VIP: variants seen among roughly 807,000 people sequenced by gnomAD.
VIP encodes VIP peptides.
VIP carries 18 observed loss-of-function variants against 20.1 expected under a neutral mutation model. That is an observed-to-expected ratio of 0.90 (90% confidence interval 0.62 to 1.33). The LOEUF (loss-of-function observed/expected upper bound fraction) is 1.33, where lower values mean the gene tolerates loss of function less well. Among genes scored for constraint, VIP ranks in the 40% most tolerant of loss-of-function variants. The probability of loss-of-function intolerance (pLI) is 0.00; values close to 1 mark genes in which losing one functional copy is unlikely to be tolerated. For synonymous variants in VIP, 70 were observed against 68.1 expected (o/e 1.03, Z -0.14); for missense variants, 209 against 199.4 (o/e 1.05, Z -0.29).
intron 2 of VIP, among the ~76,000 whole-genome samples, chr6:152,752,651 C>T (rs1053370156): frequency 6.6e-6 from 1 of 152,044 alleles, no homozygotes; most frequent in African/African-American, 2.4e-5. Context: ...GTTTAGTTGC[C>T]AACCACATTT....
intron 4 of VIP, among the ~76,000 whole-genome samples, chr6:152,755,724 C>T (rs1583997159): frequency 6.6e-6 from 1 of 151,634 alleles, no homozygotes; most frequent in African/African-American, 2.4e-5. Context: ...ACTTCCTGCT[C>T]AAATTAAATG....
At chr6:152,753,133 TG>T (rs1167429632) in intron 2 of VIP, among the ~76,000 whole-genome samples, 1 of 152,200 alleles carries the variant, frequency 6.6e-6, no homozygotes, top group East Asian at 1.9e-4. Context: ...TAGCTATTAG[TG>T]TTCTCTGTGA....
chr6:152,757,206 T>C (rs1334196299), intron 6 of VIP, 22 bp downstream of exon 6: 26 of 1,476,416 alleles, frequency 1.8e-5, no homozygotes, highest in Non-Finnish European at 2.4e-5. Context: ...CGTGCATTCC[T>C]TCTGTATTCT....
intron 2 of VIP, 25 bp from the exon 3 acceptor site, chr6:152,754,141 A>G (rs560935267): frequency 6.2e-7 from 1 of 1,604,582 alleles, no homozygotes; most frequent in South Asian, 1.1e-5. Flanking sequence ...AGAATGTATT[A>G]TTCTCGTGTA....
chr6:152,751,109 G>A (rs2099729552), intron 1 of VIP, 150 bp downstream of exon 1: 1 of 152,122 alleles, frequency 6.6e-6, no homozygotes, highest in African/African-American at 2.4e-5. Flanking sequence ...CACCTGGTAA[G>A]GATAGAAATA....
intron 5 of VIP, among the ~76,000 whole-genome samples, 180 bp from the exon 6 acceptor site, chr6:152,756,916 T>G (rs1220731742): frequency 9.2e-5 from 14 of 151,918 alleles, no homozygotes; most frequent in Admixed American, 9.2e-4. Flanking sequence ...GAGAATAATT[T>G]TAGAAACTCT....
chr6:152,757,818 T>G (rs1020489289), intron 6 of VIP, among the ~76,000 whole-genome samples: 2 of 151,990 alleles, frequency 1.3e-5, no homozygotes, highest in African/African-American at 4.8e-5. Context: ...TTTTTTTCTT[T>G]GTGAAGTAAT....
chr6:152,758,052 G>A (rs773683776), intron 6 of VIP, among the ~76,000 whole-genome samples: 1 of 151,958 alleles, frequency 6.6e-6, no homozygotes, highest in African/African-American at 2.4e-5. Flanking sequence ...CTGTTAGAGT[G>A]ACTTAACTCT....
chr6:152,758,134 T>C (rs2099730705), intron 6 of VIP, among the ~76,000 whole-genome samples: 1 of 151,978 alleles, frequency 6.6e-6, no homozygotes, highest in Non-Finnish European at 1.5e-5. Context: ...AATAAAACTT[T>C]ATTCATAAAA....
Position 152,752,201 on chromosome 6 carries a change from G to C in VIP, c.24G>C (p.Gln8His). 6.2e-7 allele frequency: 1 copy of C among 1,613,486 alleles called. No individual in the cohort carries two copies. Among genetic ancestry groups the C allele is most frequent in the Non-Finnish European group, 8.5e-7 (1 of 1,179,596 alleles). Residue 8 changes from glutamine to histidine, a missense_variant, in exon 2 of 7, where the codon CAG (glutamine) becomes CAC (histidine). Transcript: ENST00000367244. MDTRNKA[Q>H]LLVLLTLLSV... ...AAATGGACACCAGAAATAAGGCCCA[G>C]CTCCTTGTGCTCCTGACTCTTCTCA...
At position 152,755,383 on chromosome 6, in the gene VIP, AT is replaced by A; in HGVS notation, c.335+13del. 1.4e-6 allele frequency: 2 copies of A among 1,443,046 alleles called. No individual in the cohort carries two copies. Among genetic ancestry groups the A allele is most frequent in the Non-Finnish European group, 9.4e-7 (1 of 1,067,990 alleles). The allele number at this position is 1,443,046 out of a possible 1,614,324, so 89.4% of individuals were successfully genotyped here. On this transcript the variant is annotated intron_variant, in intron 4 of 6. Coordinates refer to ENST00000367244, the MANE Select transcript of VIP (RefSeq NM_003381.4). The stretch of plus-strand genomic sequence containing the variant: ...TGGGAAAACGTGTTAGGTAAAGAGA[AT>A]TTATTATTTTTATAAAATATGTTAT...
chr6:152,756,317 A>T (rs764396576), intron 5 of VIP, 52 bp downstream of exon 5: 4 of 1,569,058 alleles, frequency 2.5e-6, no homozygotes, highest in Non-Finnish European at 3.5e-6. Context: ...GACTTTCAAA[A>T]TAGAAGCTGC....
At chr6:152,754,418 C>T (rs1347632136) in intron 3 of VIP, 130 bp downstream of exon 3, 3 of 822,276 alleles carry the variant, frequency 3.6e-6, no homozygotes, top group African/African-American at 1.8e-5. Flanking sequence ...TTCTATGTGT[C>T]ATGGCTTCAT....
intron 1 of VIP, among the ~76,000 whole-genome samples, chr6:152,751,624 C>T (rs1262687612): frequency 2.6e-5 from 4 of 151,810 alleles, no homozygotes; most frequent in African/African-American, 4.8e-5. Flanking sequence ...AATAAGTTTC[C>T]GTAATATCTA....
chr6:152,752,384 A>G, intron 2 of VIP, 100 bp downstream of exon 2: 1 of 962,766 alleles, frequency 1.0e-6, no homozygotes, highest in South Asian at 1.9e-5. Context: ...TAAATTATGT[A>G]TTATGTATTT....
intron 2 of VIP, 125 bp from the exon 3 acceptor site, chr6:152,754,041 T>C (rs1036265488): frequency 6.7e-5 from 70 of 1,051,362 alleles, no homozygotes; most frequent in Non-Finnish European, 8.7e-5. Flanking sequence ...AATTATGCTA[T>C]TCTCATATTA....
chr6:152,758,548 T>C (rs372310138), intron 6 of VIP, among the ~76,000 whole-genome samples: 1 of 152,198 alleles, frequency 6.6e-6, no homozygotes. Context: ...AATCACACTG[T>C]GCTTTGTAAA....
At chr6:152,758,633 A>G (rs2099730772) in intron 6 of VIP, among the ~76,000 whole-genome samples, 1 of 151,970 alleles carries the variant, frequency 6.6e-6, no homozygotes, top group African/African-American at 2.4e-5. Flanking sequence ...AAATTCTTTG[A>G]AGAGGAAATC....
At chr6:152,752,105 A>T in intron 1 of VIP, 63 bp from the exon 2 acceptor site, 1 of 1,215,200 alleles carries the variant, frequency 8.2e-7, no homozygotes, top group Non-Finnish European at 1.2e-6. Flanking sequence ...CTGCTAGACA[A>T]TCAGAATTAC....
Sources: allele counts gnomAD v4.1 joint callset (sites outside exome capture counted in the v4.1 genomes callset), GRCh38; gene constraint gnomAD v4.1.1; transcripts MANE v1.5; gene names NCBI Gene and HGNC (gene_info 2026-07-23, HGNC 2026-07-21).